Variants in PTPRD observed in about 807,000 individuals in gnomAD.
PTPRD encodes the protein protein tyrosine phosphatase receptor type D.
PTPRD carries 34 observed loss-of-function variants against 214.5 expected under a neutral mutation model. The observed-to-expected ratio is 0.16, with a 90% CI of 0.12 to 0.21. PTPRD has a LOEUF of 0.21. PTPRD is among the 10% of genes least tolerant of loss of function. The pLI is 1.00. For synonymous variants in PTPRD, 1,128 were observed against 845.7 expected (o/e 1.33, Z -5.79); for missense variants, 2,545 against 2,398.7 (o/e 1.06, Z -1.27).
Position 10,004,764 on chromosome 9 carries a change from A to AGTAAG in PTPRD, c.-472+28949_-472+28953dup, listed in dbSNP as rs536335147. Among the ~76,000 whole-genome samples the AGTAAG allele has an allele frequency of 4.7e-4, 71 of 152,230 alleles. 1 individual carries two copies. The South Asian group carries it at 0.014, about 31-fold the overall frequency. On this transcript the variant is annotated intron_variant, in intron 4 of 45. Transcript: ENST00000381196. ...CAATGGTTCCCAAGTACAACCTTTC[A>AGTAAG]GTAAGCAAACTAAGTTTACAGTAGT...
chr9:9,228,085 C>A (rs1195646538), intron 9 of PTPRD, among the ~76,000 whole-genome samples: 1 of 152,042 alleles, frequency 6.6e-6, no homozygotes, highest in East Asian at 1.9e-4. Context: ...GGCACAGTAG[C>A]CCATACAATA....
chr9:9,908,901 T>G (rs1292972432), intron 5 of PTPRD, among the ~76,000 whole-genome samples: 11 of 151,988 alleles, frequency 7.2e-5, no homozygotes, highest in Non-Finnish European at 1.5e-5. Context: ...TAATGGTCAG[T>G]TAAACCAAAA....
At chr9:9,474,857 T>C (rs1036487969) in intron 8 of PTPRD, among the ~76,000 whole-genome samples, 2 of 152,130 alleles carry the variant, frequency 1.3e-5, no homozygotes, top group African/African-American at 4.8e-5. Context: ...TTTTTACATA[T>C]GTAAGATTAT....
chr9:8,426,021 G>T (rs1029162145), intron 35 of PTPRD, among the ~76,000 whole-genome samples: 1 of 152,076 alleles, frequency 6.6e-6, no homozygotes, highest in Non-Finnish European at 1.5e-5. Flanking sequence ...CTTTCATAGA[G>T]CTCCTTTTTG....
chr9:8,425,819 T>C (rs181929860), intron 35 of PTPRD, among the ~76,000 whole-genome samples: 1 of 152,310 alleles, frequency 6.6e-6, no homozygotes, highest in East Asian at 1.9e-4. Flanking sequence ...GAGAGTTAAA[T>C]AATGTGTCTA....
intron 7 of PTPRD, among the ~76,000 whole-genome samples, chr9:9,664,151 A>G (rs1210584439): frequency 2.6e-5 from 4 of 150,952 alleles, no homozygotes; most frequent in African/African-American, 4.8e-5. Flanking sequence ...AGTTACACGT[A>G]AAGAGTCCCT....
chr9:10,392,766 A>G (rs2098093835), intron 2 of PTPRD, among the ~76,000 whole-genome samples: 1 of 151,882 alleles, frequency 6.6e-6, no homozygotes, highest in South Asian at 2.1e-4. Flanking sequence ...AAAGGATTGG[A>G]GGACCATTCG....
At chr9:8,823,672 AAAAGG>A (rs928577017) in intron 11 of PTPRD, among the ~76,000 whole-genome samples, 1 of 116,072 alleles carries the variant, frequency 8.6e-6, no homozygotes, top group Non-Finnish European at 1.8e-5. Flanking sequence ...AGGGAAAGGG[AAAAGG>A]AAAGGGAAAG....
intron 2 of PTPRD, among the ~76,000 whole-genome samples, chr9:10,590,504 T>C (rs987459626): frequency 1.3e-5 from 2 of 152,036 alleles, no homozygotes; most frequent in African/African-American, 2.4e-5. Context: ...ACTACTGATC[T>C]CATTTCTAAC....
At chr9:8,763,084 T>C (rs533822491) in intron 11 of PTPRD, among the ~76,000 whole-genome samples, 1 of 152,292 alleles carries the variant, frequency 6.6e-6, no homozygotes, top group African/African-American at 2.4e-5. Context: ...GAGTAGCCAC[T>C]GAAAAATCAA....
At chr9:9,182,759 G>A (rs2099928966) in intron 10 of PTPRD, among the ~76,000 whole-genome samples, 1 of 151,954 alleles carries the variant, frequency 6.6e-6, no homozygotes, top group Non-Finnish European at 1.5e-5. Context: ...AGTGAGAACT[G>A]AATGCATTAA....
chr9:10,515,578 T>TAA (rs143916525), intron 2 of PTPRD, among the ~76,000 whole-genome samples: 1 of 151,390 alleles, frequency 6.6e-6, no homozygotes, highest in Admixed American at 6.6e-5. Context: ...AATTTTTATT[T>TAA]AAAATTTGTA....
chr9:9,923,617 A>T (rs1353168745), intron 5 of PTPRD, among the ~76,000 whole-genome samples: 2 of 151,992 alleles, frequency 1.3e-5, no homozygotes, highest in Non-Finnish European at 2.9e-5. Context: ...AGTCATCTAC[A>T]AACAAAAAGG....
At chr9:9,853,643 G>A in intron 5 of PTPRD, among the ~76,000 whole-genome samples, 1 of 151,970 alleles carries the variant, frequency 6.6e-6, no homozygotes, top group Non-Finnish European at 1.5e-5. Context: ...CTCCCTCCCA[G>A]GTTCAAGCAA....
intron 4 of PTPRD, among the ~76,000 whole-genome samples, chr9:9,975,092 C>G (rs899734138): frequency 2.6e-4 from 40 of 151,834 alleles, no homozygotes; most frequent in African/African-American, 9.2e-4. Context: ...ACCCACTCTC[C>G]CGTTAGCACT....
At chr9:9,353,098 A>G (rs920438278) in intron 9 of PTPRD, among the ~76,000 whole-genome samples, 7 of 151,920 alleles carry the variant, frequency 4.6e-5, no homozygotes, top group Non-Finnish European at 1.0e-4. Context: ...ATGCTATTCA[A>G]TGTTCACTAG....
rs1020547017 is a variant in PTPRD at position 8,485,300 on chromosome 9, T to C, written c.3080A>G (p.Lys1027Arg). The C allele has an allele frequency of 1.9e-6, 3 of 1,613,940 alleles. No homozygotes were observed. Among genetic ancestry groups the C allele is most frequent in the Non-Finnish European group, 1.7e-6 (2 of 1,179,974 alleles). The change falls in exon 29 of 46, where the codon AAA becomes AGA. Residue 1027 changes from lysine to arginine, a missense_variant. By Grantham distance (26) the Lys-to-Arg change is conservative (BLOSUM62 2). Coordinates refer to ENST00000381196, the MANE Select transcript of PTPRD (RefSeq NM_002839.4). ...CAACACGGAAGTCTTCATTACTGCT[T>C]TGACATGAAAATTTTTTGCAAACAC... The part of the protein sequence containing the change: ...DQVFAKNFHV[K>R]AVMKTSVLLS...
At chr9:9,012,591 TA>T (rs2099516172) in intron 11 of PTPRD, among the ~76,000 whole-genome samples, 1 of 152,162 alleles carries the variant, frequency 6.6e-6, no homozygotes, top group African/African-American at 2.4e-5. Context: ...CAGGGAAAAC[TA>T]TTTGCAATGT....
intron 7 of PTPRD, among the ~76,000 whole-genome samples, chr9:9,614,379 A>G (rs1019214105): frequency 1.3e-5 from 2 of 152,040 alleles, no homozygotes; most frequent in African/African-American, 4.8e-5. Context: ...TTCTTTTATT[A>G]TTTTCTCTGA....
Sources: gnomAD v4.1 joint callset for allele counts (sites outside exome capture counted in the v4.1 genomes callset) on GRCh38, gnomAD v4.1.1 for gene constraint, MANE v1.5 for transcripts, NCBI Gene and HGNC (gene_info 2026-07-23, HGNC 2026-07-21) for gene names.